Variants in PHRF1 observed in about 807,000 individuals in gnomAD.
The protein encoded by PHRF1 is PHD and ring finger domains 1.
Under a neutral mutation model 128.9 loss-of-function variants are expected in PHRF1, and 53 were observed. The observed-to-expected ratio is 0.41, with a 90% CI of 0.33 to 0.52. The LOEUF is 0.52. Ranked by LOEUF, PHRF1 falls within the 20% of genes least tolerant of loss-of-function variation. The pLI is 0.21. For synonymous variants in PHRF1, 1,178 were observed against 980.6 expected (o/e 1.20, Z -3.76); for missense variants, 2,503 against 2,284.5 (o/e 1.10, Z -1.95).
chr11:581,723 T>C, intron 2 of PHRF1, 117 bp downstream of exon 2: 2 of 1,125,738 alleles, frequency 1.8e-6, no homozygotes. Context: ...AAAATTATGC[T>C]TTGATTTTAA....
Position 612,207 on chromosome 11 carries a change from A to C in PHRF1, c.*430A>C, listed in dbSNP as rs995394603. 4 of 295,968 alleles carry C rather than the reference A, an allele frequency of 1.4e-5. No individual in the cohort carries two copies. Among genetic ancestry groups the C allele is most frequent in the African/African-American group, 8.6e-5 (4 of 46,512 alleles). The allele number at this position is 295,968 out of a possible 1,614,324, so 18.3% of individuals were successfully genotyped here. The stretch of plus-strand genomic sequence containing the variant: ...TTGGCTCTGAATTAGGAATATCTTT[A>C]CTTTCTCTTTTCCAATTATGTTGTG... On this transcript the variant is annotated 3_prime_UTR_variant, in exon 18 of 18. Transcript: ENST00000264555.
chr11:609,420 G>A lies in PHRF1; in HGVS notation c.3964G>A (p.Glu1322Lys). 1 of 1,609,546 alleles carries A rather than the reference G, an allele frequency of 6.2e-7. No homozygotes were observed. Among genetic ancestry groups the A allele is most frequent in the Non-Finnish European group, 8.5e-7 (1 of 1,179,820 alleles). The change falls in exon 14 of 18, where the codon GAG becomes AAG. Residue 1322 changes from glutamate to lysine, a missense_variant. Coordinates refer to ENST00000264555, the MANE Select transcript of PHRF1 (RefSeq NM_001286581.2). The stretch of plus-strand genomic sequence containing the variant: ...CCTGGCCGTGGCCGCCATCCAGAGG[G>A]AGGTGTCATTGATGCACGATGAAGA... ...ASLAVAAIQR[E>K]VSLMHDEDPS...
chr11:611,133 T>C, intron 17 of PHRF1, 51 bp downstream of exon 17: 1 of 1,600,298 alleles, frequency 6.2e-7, no homozygotes, highest in Non-Finnish European at 8.5e-7. Context: ...GGGCGGTACG[T>C]CGCTGCTGTC....
At chr11:602,848 C>T (rs1474782747) in intron 10 of PHRF1, among the ~76,000 whole-genome samples, 2 of 150,954 alleles carry the variant, frequency 1.3e-5, no homozygotes, top group African/African-American at 4.9e-5. Flanking sequence ...CTGCACCCTC[C>T]ACCTCCCGGG....
rs1320528456 is a variant in PHRF1, at chr11:581,067, G to A, written c.-21-425G>A. On this transcript the variant is annotated intron_variant, in intron 1 of 17. Coordinates refer to ENST00000264555, the MANE Select transcript of PHRF1 (RefSeq NM_001286581.2). ...TCAAACTCCCGACCTCAGGTGATCC[G>A]CCCGCCTCAGCCTCCCAAAGTGCTG... Among the ~76,000 whole-genome samples the A allele has an allele frequency of 3.3e-5, 5 of 151,352 alleles. No individual in the cohort carries two copies. The South Asian group carries it at 6.3e-4, about 19-fold the overall frequency.
Position 598,281 on chromosome 11 carries a change from A to C in PHRF1, c.895-92A>C, listed in dbSNP as rs1326399075. The C allele has an allele frequency of 7.5e-6, 11 of 1,459,246 alleles. No homozygotes were observed. In the South Asian group the frequency reaches 1.4e-4, roughly 19 times the overall value. 90.4% of individuals were successfully genotyped at this position (1,459,246 alleles called of 1,614,324 possible). A position where few individuals can be genotyped will look rare whatever the true frequency, so the allele number is the denominator to read the frequency against. ...AGGCTGTCCTGCTTCTCTGGCTGCC[A>C]TTGTGGGCTGTGTTCTGGGCTCCAT... is the stretch of plus-strand genomic sequence containing the variant. On this transcript the variant is annotated intron_variant, in intron 8 of 17. Transcript: ENST00000264555.
At chr11:610,012 T>C (rs143260428) in intron 14 of PHRF1, among the ~76,000 whole-genome samples, 184 bp from the exon 15 acceptor site, 2 of 152,266 alleles carry the variant, frequency 1.3e-5, no homozygotes, top group East Asian at 1.9e-4. Context: ...GAACAGGTCA[T>C]GGTCGGGGAT....
chr11:582,157 T>A, intron 3 of PHRF1, 76 bp downstream of exon 3: 1 of 1,541,372 alleles, frequency 6.5e-7, no homozygotes, highest in Non-Finnish European at 8.7e-7. Flanking sequence ...TAACACATCC[T>A]CCGTGAGAGT....
At position 612,066 on chromosome 11, in the gene PHRF1, T is replaced by C. The variant is rs1220728096; in HGVS notation, c.*289T>C. 2 of 463,414 alleles carry C rather than the reference T, an allele frequency of 4.3e-6. No homozygotes were observed. Among genetic ancestry groups the C allele is most frequent in the Non-Finnish European group, 3.8e-6 (1 of 263,218 alleles). 28.7% of individuals were successfully genotyped at this position (463,414 alleles called of 1,614,324 possible). On this transcript the variant is annotated 3_prime_UTR_variant, in exon 18 of 18. Coordinates refer to ENST00000264555, the MANE Select transcript of PHRF1 (RefSeq NM_001286581.2). Reference sequence around the variant, plus strand: ...AAATGGATTATCTTTAGAAACCTCTTGATTGACTTACTACTTGGAAGATAA... The same window carrying C: ...AAATGGATTATCTTTAGAAACCTCTCGATTGACTTACTACTTGGAAGATAA...
At position 609,407 on chromosome 11, in the gene PHRF1, C is replaced by T. The variant is rs376342099; in HGVS notation, c.3951C>T (p.Ala1317=). The T allele has an allele frequency of 6.6e-5, 107 of 1,610,426 alleles. No individual in the cohort carries two copies. The highest frequency in any genetic ancestry group is 5.6e-4 in the African/African-American group (42 of 75,056). The change falls in exon 14 of 18, where the codon GCC becomes GCT. Residue 1317 remains alanine, a synonymous_variant. Coordinates refer to ENST00000264555, the MANE Select transcript of PHRF1 (RefSeq NM_001286581.2). ...TGCCCCCAGCCAGCCTGGCCGTGGCCGCCATCCAGAGGGAGGTGTCATTGA... is the reference window on the plus strand; with the variant it reads ...TGCCCCCAGCCAGCCTGGCCGTGGCTGCCATCCAGAGGGAGGTGTCATTGA... ...PALPPASLAV[A]AIQREVSLMH...
At chr11:602,907 C>T (rs1289653497) in intron 10 of PHRF1, among the ~76,000 whole-genome samples, 1 of 151,670 alleles carries the variant, frequency 6.6e-6, no homozygotes, top group East Asian at 2.0e-4. Context: ...GGATTATAGG[C>T]GTGTGCCACC....
chr11:576,579 C>A lies in PHRF1; in HGVS notation c.-35C>A, dbSNP rs1320770483. The A allele has an allele frequency of 6.6e-6, 1 of 151,628 alleles. No homozygotes were observed. Among genetic ancestry groups the A allele is most frequent in the African/African-American group, 2.4e-5 (1 of 41,284 alleles). 9.4% of individuals were successfully genotyped at this position (151,628 alleles called of 1,614,324 possible). ...CGAGCGCTCGCGAGCGGCTGCGGGA[C>A]GCGAGGTTTCCGGGTAAGTGCGGCG... On this transcript the variant is annotated 5_prime_UTR_variant, in exon 1 of 18. Coordinates refer to ENST00000264555, the MANE Select transcript of PHRF1 (RefSeq NM_001286581.2).
At position 610,048 on chromosome 11, in the gene PHRF1, G is replaced by A. The variant is rs1045029656; in HGVS notation, c.4265-148G>A. 2.0e-5 allele frequency: 22 copies of A among 1,097,136 alleles called. 1 individual carries two copies. The highest frequency in any genetic ancestry group is 1.6e-4 in the African/African-American group (10 of 63,218). 68.0% of individuals were successfully genotyped at this position (1,097,136 alleles called of 1,614,324 possible). A position where few individuals can be genotyped will look rare whatever the true frequency, so the allele number is the denominator to read the frequency against. On this transcript the variant is annotated intron_variant, in intron 14 of 17. Coordinates refer to ENST00000264555, the MANE Select transcript of PHRF1 (RefSeq NM_001286581.2). ...CAGTGGCTAGGAGCTGGCACACCTC[G>A]CAACCTCCCCTTGGTGCTGGGGGTG...
rs1274042410 is a variant in PHRF1, at chr11:610,417, T to C, written c.4416+70T>C. 9 of 1,540,492 alleles carry C rather than the reference T, an allele frequency of 5.8e-6. No individual in the cohort carries two copies. In the African/African-American group the frequency reaches 9.5e-5, roughly 16 times the overall value. On this transcript the variant is annotated intron_variant, in intron 15 of 17. Transcript: ENST00000264555. ...GGCACCCGTGCCACACACACCACACTAGGCTGGGGCTGAGGCCTCACAGCT... is the reference window on the plus strand; with the variant it reads ...GGCACCCGTGCCACACACACCACACCAGGCTGGGGCTGAGGCCTCACAGCT...
At chr11:579,618 G>C (rs951284258) in intron 1 of PHRF1, among the ~76,000 whole-genome samples, 20 of 152,338 alleles carry the variant, frequency 1.3e-4, no homozygotes, top group Admixed American at 1.2e-3. Flanking sequence ...GGGACGAGCA[G>C]GGCGTCTCTG....
At chr11:590,877 A>AT (rs1321426420) in intron 4 of PHRF1, among the ~76,000 whole-genome samples, 1 of 151,854 alleles carries the variant, frequency 6.6e-6, no homozygotes, top group Non-Finnish European at 1.5e-5. Flanking sequence ...CTAATTTTGT[A>AT]TTTTTAGTAG....
At position 610,152 on chromosome 11, in the gene PHRF1, G is replaced by C. The variant is rs779912318; in HGVS notation, c.4265-44G>C. 42 of 1,460,860 alleles carry C rather than the reference G, an allele frequency of 2.9e-5. No individual in the cohort carries two copies. The East Asian group carries it at 9.5e-4, about 33-fold the overall frequency. The allele number at this position is 1,460,860 out of a possible 1,614,324, so 90.5% of individuals were successfully genotyped here. A position where few individuals can be genotyped will look rare whatever the true frequency, so the allele number is the denominator to read the frequency against. On this transcript the variant is annotated intron_variant, in intron 14 of 17. Transcript: ENST00000264555. Reference sequence around the variant, plus strand: ...AGCCATGAAACAGCATTCTGGGCAGGGGTGGGCACAGAGCACCCACCTCCC... The same window carrying C: ...AGCCATGAAACAGCATTCTGGGCAGCGGTGGGCACAGAGCACCCACCTCCC...
Position 608,440 on chromosome 11 carries a change from C to G in PHRF1, c.2984C>G (p.Ser995Cys). 6 of 1,612,382 alleles carry G rather than the reference C, an allele frequency of 3.7e-6. No homozygotes were observed. Among genetic ancestry groups the G allele is most frequent in the Non-Finnish European group, 4.2e-6 (5 of 1,179,816 alleles). The change falls in exon 14 of 18, where the codon TCC (serine) becomes TGC (cysteine). Residue 995 changes from serine to cysteine, a missense_variant. Transcript: ENST00000264555. ...VELRPPSRSRSTSSSRSRKKA... is the reference protein window; with the variant it reads ...VELRPPSRSRCTSSSRSRKKA... ...CTCAGGCCCCCTTCCCGGTCCCGCT[C>G]CACATCCAGCTCCCGCAGCAGGAAG...
chr11:610,191 C>G lies in PHRF1; in HGVS notation c.4265-5C>G. ...CACCCACCTCCCTGTCTGTCGGGCC[C>G]CCAGGGGCACCACTTCACAGGCCAC... On this transcript the variant is annotated splice_region_variant and splice_polypyrimidine_tract_variant and intron_variant, in intron 14 of 17. Transcript: ENST00000264555. 1.3e-6 allele frequency: 2 copies of G among 1,507,038 alleles called. No individual in the cohort carries two copies. The highest frequency in any genetic ancestry group is 1.8e-6 in the Non-Finnish European group (2 of 1,121,710). The allele number at this position is 1,507,038 out of a possible 1,614,324, so 93.4% of individuals were successfully genotyped here. A position where few individuals can be genotyped will look rare whatever the true frequency, so the allele number is the denominator to read the frequency against.
Sources: allele counts gnomAD v4.1 joint callset (sites outside exome capture counted in the v4.1 genomes callset), GRCh38; gene constraint gnomAD v4.1.1; transcripts MANE v1.5; gene names NCBI Gene and HGNC (gene_info 2026-07-23, HGNC 2026-07-21).